SLC46A2: variants seen among roughly 807,000 people sequenced by gnomAD.
SLC46A2 encodes solute carrier family 46 member 2, also known as thymic stromal co-transporter.
In SLC46A2, 25 loss-of-function variants were observed where a neutral mutation model predicts 33.1. The observed-to-expected ratio is 0.76, with a 90% CI of 0.55 to 1.06. The LOEUF (loss-of-function observed/expected upper bound fraction) is 1.06. Among genes scored for constraint, SLC46A2 ranks in the 50% least tolerant of loss-of-function variants. The probability of loss-of-function intolerance (pLI) is 0.00; values close to 1 mark genes in which losing one functional copy is unlikely to be tolerated. For synonymous variants in SLC46A2, 254 were observed against 275.9 expected (o/e 0.92, Z 0.79); for missense variants, 622 against 621.7 (o/e 1.00, Z 0.00).
intron 1 of SLC46A2, 75 bp downstream of exon 1, chr9:112,889,478 C>A: frequency 6.7e-7 from 1 of 1,496,706 alleles, no homozygotes; most frequent in South Asian, 1.3e-5. Context: ...ACACCCAGAC[C>A]ATGGCATCCC....
chr9:112,881,245 G>C (rs1841573651), intron 3 of SLC46A2, among the ~76,000 whole-genome samples: 1 of 152,190 alleles, frequency 6.6e-6, no homozygotes, highest in Non-Finnish European at 1.5e-5. Flanking sequence ...CTAAGCTACA[G>C]CGCAGCACTT....
chr9:112,879,580 A>G lies in SLC46A2; in HGVS notation c.*182T>C. On this transcript the variant is annotated 3_prime_UTR_variant, in exon 4 of 4. Coordinates refer to ENST00000374228, the MANE Select transcript of SLC46A2 (RefSeq NM_033051.4). ...GAGAACGTTTTTCCATCACCAGGAA[A>G]GTGCTTTTCCCCATCCACCAGGGAT... The G allele has an allele frequency of 1.8e-6, 1 of 557,882 alleles. No homozygotes were observed. The highest frequency in any genetic ancestry group is 3.2e-6 in the Non-Finnish European group (1 of 308,626). The allele number at this position is 557,882 out of a possible 1,614,324, so 34.6% of individuals were successfully genotyped here.
Position 112,890,320 on chromosome 9 carries a change from A to C in SLC46A2, c.362T>G (p.Leu121Arg). 1 of 1,613,766 alleles carries C rather than the reference A, an allele frequency of 6.2e-7. No homozygotes were observed. The highest frequency in any genetic ancestry group is 8.5e-7 in the Non-Finnish European group (1 of 1,179,976). The change falls in exon 1 of 4, where the codon CTC (leucine) becomes CGC (arginine). Residue 121 changes from leucine to arginine, a missense_variant. Transcript: ENST00000374228. This position sits in a 1 kb window ranked among gnomAD's most constrained non-coding sequence, Gnocchi z 6.0. ...CAGCAGCACCTTGAGCAGCAGCCCGAGGCGGGAGAGCAGGAAGCCCAGCAG... is the reference window on the plus strand; with the variant it reads ...CAGCAGCACCTTGAGCAGCAGCCCGCGGCGGGAGAGCAGGAAGCCCAGCAG... ...MSLLGFLLSR[L>R]GLLLKVLLDW...
In SLC46A2 at chr9:112,889,915, A is replaced by G. The variant is rs753416271; in HGVS notation, c.767T>C (p.Leu256Pro). Residue 256 changes from leucine (L) to proline (P), a missense_variant, in exon 1 of 4, where the codon CTG (leucine) becomes CCG (proline). Leu to Pro is a moderately conservative substitution (Grantham distance 98). Coordinates refer to ENST00000374228, the MANE Select transcript of SLC46A2 (RefSeq NM_033051.4). ...CTGTTGGTCCAACTGATCAGGATCC[A>G]GAGTGCGGTATGTGCCAACCGTGCC... Reference protein sequence around the residue: ...VSGTVGTYRTLDPDQLDQQYA... With the variant: ...VSGTVGTYRTPDPDQLDQQYA... 6 of 1,614,252 alleles carry G rather than the reference A, an allele frequency of 3.7e-6. No homozygotes were observed. The East Asian group carries it at 6.7e-5, about 18-fold the overall frequency.
At chr9:112,881,305 G>T (rs1047886039) in intron 3 of SLC46A2, 3 of 152,246 alleles carry the variant, frequency 2.0e-5, no homozygotes, top group African/African-American at 7.2e-5. Flanking sequence ...TGTGCGCTTA[G>T]ATCCAAGCCT....
chr9:112,889,559 A>G lies in SLC46A2; in HGVS notation c.1123T>C (p.Tyr375His). The change falls in exon 1 of 4, where the codon TAT (tyrosine) becomes CAT (histidine). Residue 375 changes from tyrosine to histidine, a missense_variant. Transcript: ENST00000374228. ...LAFVKETYMF[Y>H]IARAVMLFAL... ...TCAAGAATGACAGACTCACCAATATAGAACATGTATGTCTCTTTCACAAAA... is the reference window on the plus strand; with the variant it reads ...TCAAGAATGACAGACTCACCAATATGGAACATGTATGTCTCTTTCACAAAA... The G allele has an allele frequency of 6.2e-7, 1 of 1,610,160 alleles. No individual in the cohort carries two copies. The highest frequency in any genetic ancestry group is 1.1e-5 in the South Asian group (1 of 90,504).
chr9:112,888,852 C>G (rs1262600247), intron 1 of SLC46A2, among the ~76,000 whole-genome samples: 3 of 147,526 alleles, frequency 2.0e-5, no homozygotes, highest in Non-Finnish European at 3.0e-5. Flanking sequence ...AGTAGAATTA[C>G]TTGAAATTCC....
In SLC46A2 at chr9:112,889,908, A is replaced by G; in HGVS notation, c.774T>C (p.Pro258=). 1 of 1,614,232 alleles carries G rather than the reference A, an allele frequency of 6.2e-7. No individual in the cohort carries two copies. The highest frequency in any genetic ancestry group is 8.5e-7 in the Non-Finnish European group (1 of 1,180,040). The change falls in exon 1 of 4, where the codon CCT becomes CCC. Residue 258 remains proline (P), a synonymous_variant. Transcript: ENST00000374228. ...CTGCATACTGTTGGTCCAACTGATC[A>G]GGATCCAGAGTGCGGTATGTGCCAA... ...GTVGTYRTLD[P]DQLDQQYAVG...
chr9:112,888,302 A>G (rs1047849382), intron 1 of SLC46A2, among the ~76,000 whole-genome samples: 1 of 151,944 alleles, frequency 6.6e-6, no homozygotes, highest in African/African-American at 2.4e-5. Flanking sequence ...ACAAAACAAA[A>G]CCCAAAGAGA....
intron 3 of SLC46A2, among the ~76,000 whole-genome samples, chr9:112,883,115 C>G (rs772668183): frequency 3.3e-5 from 5 of 152,152 alleles, no homozygotes; most frequent in Non-Finnish European, 7.4e-5. Context: ...GAGAGCAGCT[C>G]TGGTGGAGTT....
At position 112,890,190 on chromosome 9, in the gene SLC46A2, G is replaced by A. The variant is rs1166013223; in HGVS notation, c.492C>T (p.Ser164=). The A allele has an allele frequency of 6.2e-7, 1 of 1,612,822 alleles. No homozygotes were observed. Among genetic ancestry groups the A allele is most frequent in the African/African-American group, 1.3e-5 (1 of 74,952 alleles). ...SGVMALGSLG[S]SEGRRSVRLI... ...GGCGCACAGAGCGGCGGCCCTCGGAGGAGCCCAGCGATCCCAGCGCCATGA... is the reference window on the plus strand; with the variant it reads ...GGCGCACAGAGCGGCGGCCCTCGGAAGAGCCCAGCGATCCCAGCGCCATGA... Residue 164 remains serine (S), a synonymous_variant, in exon 1 of 4, where the codon TCC becomes TCT. Coordinates refer to ENST00000374228, the MANE Select transcript of SLC46A2 (RefSeq NM_033051.4). This position sits in a 1 kb window ranked among gnomAD's most constrained non-coding sequence, Gnocchi z 6.0.
intron 1 of SLC46A2, among the ~76,000 whole-genome samples, chr9:112,887,950 A>T (rs866098357): frequency 0.017 from 2,175 of 128,938 alleles, 44 homozygotes; most frequent in African/African-American, 0.064. Context: ...TGTGTGTGAG[A>T]GAGAGAGAGA....
intron 1 of SLC46A2, among the ~76,000 whole-genome samples, chr9:112,888,893 T>G (rs1841682642): frequency 6.8e-6 from 1 of 147,128 alleles, no homozygotes; most frequent in South Asian, 2.4e-4. Flanking sequence ...TTTTGTTTGT[T>G]TGTTTTTTTT....
At chr9:112,881,665 C>T (rs1034602643) in intron 3 of SLC46A2, 1 of 152,214 alleles carries the variant, frequency 6.6e-6, no homozygotes, top group Middle Eastern at 3.2e-3. Context: ...TAAACGAATT[C>T]TTTTTGACTG....
chr9:112,888,873 G>GT lies in SLC46A2; in HGVS notation c.1129+679dup, dbSNP rs35381661. 2.2e-3 allele frequency among the ~76,000 whole-genome samples: 308 copies of GT among 139,560 alleles called. 2 individuals are homozygous for GT. Among genetic ancestry groups the GT allele is most frequent in the Middle Eastern group, 0.011 (3 of 280 alleles). 91.6% of individuals were successfully genotyped at this position (139,560 alleles called of 152,430 possible). Reference sequence around the variant, plus strand: ...ATTACTTGAAATTCCACTCCTCCACGTTTTTTTTTTTTTGTTTGTTTGTTT... The same window carrying GT: ...ATTACTTGAAATTCCACTCCTCCACGTTTTTTTTTTTTTTGTTTGTTTGTTT... On this transcript the variant is annotated intron_variant, in intron 1 of 3. Coordinates refer to ENST00000374228, the MANE Select transcript of SLC46A2 (RefSeq NM_033051.4).
At chr9:112,888,354 C>CT (rs1841672976) in intron 1 of SLC46A2, among the ~76,000 whole-genome samples, 1 of 152,084 alleles carries the variant, frequency 6.6e-6, no homozygotes, top group African/African-American at 2.4e-5. Flanking sequence ...AGGGGGTACT[C>CT]TGTCCTATGC....
At chr9:112,885,437 T>TGC (rs987199073) in intron 3 of SLC46A2, 1 of 60,146 alleles carries the variant, frequency 1.7e-5, no homozygotes, top group Admixed American at 2.3e-4. Flanking sequence ...TATATATATA[T>TGC]GTGTATATAT....
At chr9:112,885,607 G>A (rs576813342) in intron 3 of SLC46A2, 5 of 152,108 alleles carry the variant, frequency 3.3e-5, no homozygotes, top group African/African-American at 7.2e-5. Context: ...GAAATGTGAC[G>A]TCCAAATCTA....
intron 1 of SLC46A2, 101 bp from the exon 2 acceptor site, chr9:112,887,514 C>T (rs1010503581): frequency 1.8e-5 from 19 of 1,061,930 alleles, no homozygotes; most frequent in Non-Finnish European, 2.4e-5. Context: ...CCCCACAATC[C>T]GAATGTGGCT....
Sources: allele counts gnomAD v4.1 joint callset (sites outside exome capture counted in the v4.1 genomes callset), GRCh38; gene constraint gnomAD v4.1.1; non-coding constraint Gnocchi (gnomAD v3.1); transcripts MANE v1.5; gene names NCBI Gene and HGNC (gene_info 2026-07-23, HGNC 2026-07-21).